ASIC2: variants seen among roughly 807,000 people sequenced by gnomAD.
ASIC2 encodes the protein acid sensing ion channel subunit 2, also known as acid-sensing ion channel 2.
Under a neutral mutation model 57.3 loss-of-function variants are expected in ASIC2, and 25 were observed. The observed-to-expected ratio is 0.44, with a 90% CI of 0.32 to 0.61. The LOEUF is 0.61. Among genes scored for constraint, ASIC2 ranks in the 20% least tolerant of loss-of-function variants. The probability of loss-of-function intolerance (pLI) is 0.06; values close to 1 mark genes in which losing one functional copy is unlikely to be tolerated. For synonymous variants in ASIC2, 319 were observed against 307.5 expected (o/e 1.04, Z -0.39); for missense variants, 641 against 738.1 (o/e 0.87, Z 1.52).
intron 1 of ASIC2, among the ~76,000 whole-genome samples, chr17:33,182,361 A>G (rs1906020266): frequency 6.6e-6 from 1 of 152,128 alleles, no homozygotes; most frequent in Non-Finnish European, 1.5e-5. Flanking sequence ...CTTATAAAGA[A>G]CCAGTAAGAT....
At position 33,192,877 on chromosome 17, in the gene ASIC2, C is replaced by T. The variant is rs139608327; in HGVS notation, c.709-80810G>A. ...TGTTTTAAAAATACACATTTTTTTC[C>T]GCCATGTGATTAAATATAGCTATTT... On this transcript the variant is annotated intron_variant, in intron 1 of 9. Coordinates refer to ENST00000225823, the MANE Select transcript of ASIC2 (RefSeq NM_183377.2). Among the ~76,000 whole-genome samples, 205 of 151,966 alleles carry T rather than the reference C, an allele frequency of 1.3e-3. 1 individual carries two copies. Among genetic ancestry groups the T allele is most frequent in the Admixed American group, 1.2e-3 (19 of 15,286 alleles).
intron 1 of ASIC2, among the ~76,000 whole-genome samples, chr17:33,718,935 G>A (rs573828328): frequency 6.6e-6 from 1 of 152,324 alleles, no homozygotes; most frequent in East Asian, 1.9e-4. Context: ...AAAGATCTGG[G>A]TCATCAACCA....
At chr17:33,046,235 T>C (rs1173990263) in intron 3 of ASIC2, among the ~76,000 whole-genome samples, 1 of 152,072 alleles carries the variant, frequency 6.6e-6, no homozygotes, top group Non-Finnish European at 1.5e-5. Context: ...CAGGAGTGCG[T>C]TTGTTGGGGT....
At chr17:33,932,551 TA>T (rs1258676330) in intron 1 of ASIC2, 1 of 150,822 alleles carries the variant, frequency 6.6e-6, no homozygotes, top group Non-Finnish European at 1.5e-5. Flanking sequence ...CTGTCTGTGC[TA>T]AAAATACAAA....
At chr17:34,061,729 T>C (rs1908977035) in intron 1 of ASIC2, among the ~76,000 whole-genome samples, 1 of 151,262 alleles carries the variant, frequency 6.6e-6, no homozygotes, top group Non-Finnish European at 1.5e-5. Context: ...TAGCTATTCT[T>C]ATATCAGACA....
At chr17:34,133,153 A>T (rs967291229) in intron 1 of ASIC2, among the ~76,000 whole-genome samples, 5 of 152,176 alleles carry the variant, frequency 3.3e-5, no homozygotes, top group Admixed American at 6.5e-5. Flanking sequence ...GGGATTGATA[A>T]ATAGATGTAT....
chr17:33,768,726 G>T (rs1040350060), intron 1 of ASIC2, among the ~76,000 whole-genome samples: 1 of 151,980 alleles, frequency 6.6e-6, no homozygotes, highest in Non-Finnish European at 1.5e-5. Context: ...TAATGCCTTC[G>T]AACCAATTGT....
chr17:33,103,570 T>G (rs1179969435), intron 2 of ASIC2, among the ~76,000 whole-genome samples: 3 of 152,186 alleles, frequency 2.0e-5, no homozygotes, highest in Non-Finnish European at 4.4e-5. Context: ...AAAGGCTTCC[T>G]TGTGTTGAGG....
intron 1 of ASIC2, among the ~76,000 whole-genome samples, chr17:33,701,241 G>T (rs558786994): frequency 6.6e-6 from 1 of 152,076 alleles, no homozygotes; most frequent in Admixed American, 6.6e-5. Context: ...TGTGGTGGGC[G>T]GAGGGGGCAT....
chr17:33,252,467 G>C (rs1479378603), intron 1 of ASIC2, among the ~76,000 whole-genome samples: 1 of 152,186 alleles, frequency 6.6e-6, no homozygotes, highest in Non-Finnish European at 1.5e-5. Context: ...AGCCTGCCAG[G>C]AAAGGACAAT....
chr17:33,056,126 C>G (rs2091997116), intron 3 of ASIC2, among the ~76,000 whole-genome samples: 1 of 152,206 alleles, frequency 6.6e-6, no homozygotes, highest in South Asian at 2.1e-4. Flanking sequence ...TGATTTGCCT[C>G]TGGTCATGCA....
intron 1 of ASIC2, among the ~76,000 whole-genome samples, chr17:33,132,925 T>C (rs933677033): frequency 3.3e-5 from 5 of 152,376 alleles, no homozygotes; most frequent in Admixed American, 2.6e-4. Flanking sequence ...TACTTGCTCA[T>C]GTCCTACCTT....
chr17:34,146,783 G>T (rs977411068), intron 1 of ASIC2: 2 of 152,232 alleles, frequency 1.3e-5, no homozygotes, highest in African/African-American at 4.8e-5. Flanking sequence ...GATCTGGGCT[G>T]ACCAACAGTG....
At chr17:33,685,148 T>C (rs1160663940) in intron 1 of ASIC2, among the ~76,000 whole-genome samples, 3 of 152,180 alleles carry the variant, frequency 2.0e-5, no homozygotes, top group African/African-American at 7.2e-5. Context: ...GAGAGACGTG[T>C]ACACACGGAT....
At chr17:33,978,490 C>T (rs929792420) in intron 1 of ASIC2, among the ~76,000 whole-genome samples, 2 of 152,216 alleles carry the variant, frequency 1.3e-5, no homozygotes, top group African/African-American at 4.8e-5. Flanking sequence ...ACAAGATAAC[C>T]TCCAAGGTCC....
intron 1 of ASIC2, among the ~76,000 whole-genome samples, chr17:33,333,894 C>G (rs1023247086): frequency 6.6e-6 from 1 of 152,152 alleles, no homozygotes; most frequent in African/African-American, 2.4e-5. Context: ...AAGTCTTTCC[C>G]CAGACCCCTG....
chr17:33,737,293 T>A (rs1181853907), intron 1 of ASIC2, among the ~76,000 whole-genome samples: 1 of 152,274 alleles, frequency 6.6e-6, no homozygotes, highest in African/African-American at 2.4e-5. Flanking sequence ...AGCCACAGCC[T>A]TAGCTATTAC....
intron 1 of ASIC2, among the ~76,000 whole-genome samples, chr17:34,026,915 C>T (rs1271740018): frequency 6.6e-6 from 1 of 152,170 alleles, no homozygotes; most frequent in Admixed American, 6.5e-5. Context: ...TCAGCAACTC[C>T]TTTCTTTCTA....
At chr17:33,231,227 A>T (rs1908079059) in intron 1 of ASIC2, among the ~76,000 whole-genome samples, 2 of 152,192 alleles carry the variant, frequency 1.3e-5, no homozygotes, top group South Asian at 4.1e-4. Flanking sequence ...ACATGGCATC[A>T]ACTGGCTAGG....
Sources: allele counts gnomAD v4.1 joint callset (sites outside exome capture counted in the v4.1 genomes callset), GRCh38; gene constraint gnomAD v4.1.1; transcripts MANE v1.5; gene names NCBI Gene and HGNC (gene_info 2026-07-23, HGNC 2026-07-21).